CPNE4: variants seen among roughly 807,000 people sequenced by gnomAD.
CPNE4 encodes the protein copine 4.
CPNE4 carries 25 observed loss-of-function variants against 67.9 expected under a neutral mutation model. That is an observed-to-expected ratio of 0.37 (90% CI 0.27 to 0.51). The LOEUF is 0.51. Among genes scored for constraint, CPNE4 ranks in the 20% least tolerant of loss-of-function variants. CPNE4 has a pLI of 0.93. For synonymous variants in CPNE4, 242 were observed against 244.9 expected, an observed-to-expected ratio of 0.99 and a Z score of 0.11; for missense variants, 464 against 690.8, an observed-to-expected ratio of 0.67 and a Z score of 3.68.
intron 2 of CPNE4, among the ~76,000 whole-genome samples, chr3:131,809,318 T>C (rs2084438524): frequency 6.6e-6 from 1 of 152,020 alleles, no homozygotes; most frequent in Non-Finnish European, 1.5e-5. Context: ...CTCTAAGAAA[T>C]GGAAAAGATG....
intron 10 of CPNE4, 52 bp from the exon 11 acceptor site, chr3:131,564,401 A>G (rs1315782562): frequency 1.3e-6 from 2 of 1,559,896 alleles, no homozygotes; most frequent in Admixed American, 1.8e-5. Context: ...TGCATCTCCT[A>G]AGAATTGTGA....
chr3:131,941,728 G>A (rs370924798), intron 1 of CPNE4, among the ~76,000 whole-genome samples: 1 of 152,058 alleles, frequency 6.6e-6, no homozygotes, highest in East Asian at 1.9e-4. Context: ...CTTTCTCAGA[G>A]TCCCCTAATC....
At chr3:131,769,135 G>A (rs2083099852) in intron 2 of CPNE4, among the ~76,000 whole-genome samples, 1 of 152,096 alleles carries the variant, frequency 6.6e-6, no homozygotes, top group African/African-American at 2.4e-5. Context: ...CTAGTGTTAG[G>A]TGAGATAACT....
intron 3 of CPNE4, among the ~76,000 whole-genome samples, chr3:131,721,449 G>A (rs925720373): frequency 6.9e-5 from 10 of 144,356 alleles, no homozygotes; most frequent in South Asian, 4.5e-4. Flanking sequence ...AGGCTGGAGC[G>A]CACTGGCACG....
At chr3:131,566,493 C>A (rs1937065077) in intron 10 of CPNE4, among the ~76,000 whole-genome samples, 1 of 151,278 alleles carries the variant, frequency 6.6e-6, no homozygotes, top group Non-Finnish European at 1.5e-5. Flanking sequence ...CGATGAAAAG[C>A]TGGTGGGAGA....
At chr3:131,939,019 T>A (rs1394242110) in intron 1 of CPNE4, among the ~76,000 whole-genome samples, 1 of 152,140 alleles carries the variant, frequency 6.6e-6, no homozygotes, top group Non-Finnish European at 1.5e-5. Context: ...GGGCACTCTC[T>A]TGCACCACTA....
intron 1 of CPNE4, among the ~76,000 whole-genome samples, chr3:132,027,967 G>T (rs2074150999): frequency 6.6e-6 from 1 of 152,074 alleles, no homozygotes; most frequent in African/African-American, 2.4e-5. Flanking sequence ...ATCACTTAAT[G>T]GTAAAGGTTC....
intron 2 of CPNE4, among the ~76,000 whole-genome samples, chr3:131,826,258 A>G (rs2085155690): frequency 6.6e-6 from 1 of 151,938 alleles, no homozygotes; most frequent in African/African-American, 2.4e-5. Context: ...GCAGTAGTGC[A>G]GTTTGGCTCA....
intron 7 of CPNE4, among the ~76,000 whole-genome samples, chr3:131,662,473 C>A (rs1289946438): frequency 6.6e-6 from 1 of 152,112 alleles, no homozygotes; most frequent in Non-Finnish European, 1.5e-5. Flanking sequence ...GCATCAGAAA[C>A]CGTGCTGAAC....
At chr3:131,876,679 TTTTC>T in intron 2 of CPNE4, among the ~76,000 whole-genome samples, 1 of 148,428 alleles carries the variant, frequency 6.7e-6, no homozygotes, top group East Asian at 2.0e-4. Flanking sequence ...GAGACATTCT[TTTTC>T]TCTGTTTCAT....
intron 1 of CPNE4, among the ~76,000 whole-genome samples, chr3:131,978,163 A>C (rs186499928): frequency 1.3e-5 from 1 of 76,686 alleles, no homozygotes; most frequent in East Asian, 3.8e-4. Flanking sequence ...ATATAAATAT[A>C]TATAAATATG....
intron 1 of CPNE4, among the ~76,000 whole-genome samples, chr3:131,942,653 A>G (rs2071435404): frequency 6.6e-6 from 1 of 151,814 alleles, no homozygotes; most frequent in Admixed American, 6.6e-5. Flanking sequence ...ACCAATCTCC[A>G]CCCCTAGAAA....
chr3:131,838,289 T>C (rs577799396), intron 2 of CPNE4, among the ~76,000 whole-genome samples: 31 of 152,052 alleles, frequency 2.0e-4, no homozygotes, highest in African/African-American at 7.5e-4. Context: ...ATATTCAATA[T>C]ATATTAGAAA....
chr3:131,724,285 AC>A (rs1399372557), intron 2 of CPNE4, among the ~76,000 whole-genome samples: 2 of 151,984 alleles, frequency 1.3e-5, no homozygotes, highest in Non-Finnish European at 2.9e-5. Context: ...TATAATGTTC[AC>A]CCATTCATTT....
At chr3:131,854,795 A>C (rs1437364290) in intron 2 of CPNE4, among the ~76,000 whole-genome samples, 17 of 138,016 alleles carry the variant, frequency 1.2e-4, no homozygotes, top group East Asian at 2.1e-4. Context: ...ATTACTCCCC[A>C]CCCTCCTCCT....
chr3:131,644,051 T>G (rs2079602589), intron 7 of CPNE4, among the ~76,000 whole-genome samples: 1 of 152,174 alleles, frequency 6.6e-6, no homozygotes. Context: ...ACTTTTGGCA[T>G]AGTCTGTACC....
intron 2 of CPNE4, among the ~76,000 whole-genome samples, chr3:131,749,422 A>G (rs986180400): frequency 6.6e-6 from 1 of 152,142 alleles, no homozygotes; most frequent in African/African-American, 2.4e-5. Flanking sequence ...AATAATGTAC[A>G]TGTTGCTGGT....
chr3:131,570,639 G>A (rs1326866723), intron 10 of CPNE4, among the ~76,000 whole-genome samples: 1 of 151,992 alleles, frequency 6.6e-6, no homozygotes, highest in Non-Finnish European at 1.5e-5. Flanking sequence ...CCTCCTCAAA[G>A]ACTGCAATAC....
At chr3:131,786,364 C>A (rs2083563162) in intron 2 of CPNE4, among the ~76,000 whole-genome samples, 1 of 152,062 alleles carries the variant, frequency 6.6e-6, no homozygotes, top group South Asian at 2.1e-4. Flanking sequence ...TGTGTGATCC[C>A]TTATTAGAAG....
Sources: gnomAD v4.1 joint callset for allele counts (sites outside exome capture counted in the v4.1 genomes callset) on GRCh38, gnomAD v4.1.1 for gene constraint, MANE v1.5 for transcripts, NCBI Gene and HGNC (gene_info 2026-07-23, HGNC 2026-07-21) for gene names.